Variants in ETHE1 observed in about 807,000 individuals in gnomAD.
ETHE1 encodes persulfide dioxygenase ETHE1, mitochondrial.
In ETHE1, 16 loss-of-function variants were observed where a neutral mutation model predicts 25.7. That is an observed-to-expected ratio of 0.62 (90% CI 0.42 to 0.95). ETHE1 has a LOEUF of 0.95. ETHE1 is among the 40% of genes least tolerant of loss of function. The pLI is 0.00. For missense variants in ETHE1, 300 were observed against 333.6 expected (o/e 0.90, Z 0.79); for synonymous variants, 139 against 135.9 (o/e 1.02, Z -0.16).
At chr19:43,519,092 C>G (rs2146001419) in intron 3 of ETHE1, among the ~76,000 whole-genome samples, 1 of 145,108 alleles carries the variant, frequency 6.9e-6, no homozygotes, top group African/African-American at 2.6e-5. Context: ...TCACTGCAAC[C>G]TCTACCTCCT....
chr19:43,526,984 G>A, intron 1 of ETHE1, 113 bp downstream of exon 1: 1 of 1,532,024 alleles, frequency 6.5e-7, no homozygotes. Flanking sequence ...CCCGCTTTCC[G>A]CAAGATGCAG....
At chr19:43,512,186 C>G (rs1003747837) in intron 3 of ETHE1, among the ~76,000 whole-genome samples, 4 of 152,130 alleles carry the variant, frequency 2.6e-5, no homozygotes, top group African/African-American at 9.7e-5. Flanking sequence ...AAGACTAATA[C>G]AGTAAATTGG....
At chr19:43,508,712 C>T in intron 5 of ETHE1, 63 bp downstream of exon 5, 3 of 1,313,402 alleles carry the variant, frequency 2.3e-6, no homozygotes, top group Non-Finnish European at 3.2e-6. Flanking sequence ...ACAAGGATTA[C>T]AGAGATTTAC....
intron 3 of ETHE1, among the ~76,000 whole-genome samples, chr19:43,517,775 CAAA>C (rs71336873): frequency 1.8e-5 from 2 of 110,032 alleles, no homozygotes; most frequent in Non-Finnish European, 1.9e-5. Flanking sequence ...GACTCCGCCT[CAAA>C]AAAAAAAAAA....
chr19:43,525,718 C>T, intron 3 of ETHE1: 1 of 219,390 alleles, frequency 4.6e-6, no homozygotes, highest in Non-Finnish European at 9.3e-6. Flanking sequence ...CCTGCACTTA[C>T]AGGACCCTGA....
intron 3 of ETHE1, among the ~76,000 whole-genome samples, chr19:43,521,169 T>C (rs1243630972): frequency 6.6e-6 from 1 of 151,740 alleles, no homozygotes; most frequent in Non-Finnish European, 1.5e-5. Context: ...CCATCTCTAA[T>C]AAAAACATAA....
chr19:43,506,851 C>A lies in ETHE1; in HGVS notation c.764G>T (p.Ter255LeuextTer22). 6.2e-7 allele frequency: 1 copy of A among 1,613,504 alleles called. No individual in the cohort carries two copies. The highest frequency in any genetic ancestry group is 1.1e-5 in the South Asian group (1 of 91,032). ...TGGGAGCATCTGACAGAAGTGAGAT[C>A]AGGCAGTGGGTGTCTGCACCCCACA... ...MRCGVQTPTA[*>L] Residue 255 changes from the stop codon to leucine, a stop_lost, in exon 7 of 7, where the codon TGA (stop) becomes TTA (leucine). Transcript: ENST00000292147.
rs1971777206 is a variant in ETHE1 at position 43,506,782 on chromosome 19, T to G, written c.*68A>C. 1 of 1,416,184 alleles carries G rather than the reference T, an allele frequency of 7.1e-7. No individual in the cohort carries two copies. The highest frequency in any genetic ancestry group is 1.7e-5 in the Admixed American group (1 of 59,648). 87.7% of individuals were successfully genotyped at this position (1,416,184 alleles called of 1,614,324 possible). ...ATGCGGTGGGAAAGGAGAGGTGCAG[T>G]GTCATTGCCGCCCTCTCCTCCCACC... On this transcript the variant is annotated 3_prime_UTR_variant, in exon 7 of 7. Transcript: ENST00000292147.
Position 43,524,818 on chromosome 19 carries a change from AAAC to A in ETHE1, c.375+1380_375+1382del, listed in dbSNP as rs566796438. Among the ~76,000 whole-genome samples, 710 of 152,006 alleles carry A rather than the reference AAAC, an allele frequency of 4.7e-3. 4 individuals are homozygous for A. The highest frequency in any genetic ancestry group is 0.016 in the African/African-American group (683 of 41,444). ...GACCTTTTCTCAAAAACAAACAAAC[AAAC>A]AACAACAACAAAAAAGGGTGGGTGC... On this transcript the variant is annotated intron_variant, in intron 3 of 6. Coordinates refer to ENST00000292147, the MANE Select transcript of ETHE1 (RefSeq NM_014297.5).
chr19:43,523,248 T>C (rs1972172130), intron 3 of ETHE1, among the ~76,000 whole-genome samples: 1 of 152,136 alleles, frequency 6.6e-6, no homozygotes, highest in South Asian at 2.1e-4. Flanking sequence ...TTTCATTCCA[T>C]GAATGTTAAC....
intron 3 of ETHE1, among the ~76,000 whole-genome samples, chr19:43,516,607 T>C (rs1972023166): frequency 6.9e-6 from 1 of 145,726 alleles, no homozygotes; most frequent in Admixed American, 7.3e-5. Flanking sequence ...CCTGGCTTTT[T>C]TTTCTTTCTT....
chr19:43,515,993 G>A (rs1186153576), intron 3 of ETHE1, among the ~76,000 whole-genome samples: 2 of 152,146 alleles, frequency 1.3e-5, no homozygotes, highest in Non-Finnish European at 2.9e-5. Flanking sequence ...TGTCCTGAGT[G>A]GGATGGTGTG....
intron 3 of ETHE1, among the ~76,000 whole-genome samples, chr19:43,523,566 C>A (rs1477741921): frequency 3.3e-5 from 5 of 151,966 alleles, no homozygotes; most frequent in Non-Finnish European, 7.4e-5. Flanking sequence ...CATGAGCCAC[C>A]ACACCCAGGC....
intron 6 of ETHE1, among the ~76,000 whole-genome samples, chr19:43,507,196 C>T (rs1971792169): frequency 1.1e-5 from 1 of 94,422 alleles, no homozygotes; most frequent in Non-Finnish European, 2.1e-5. Flanking sequence ...ACCCAGGAGT[C>T]CAGTCCCCCA....
Position 43,526,330 on chromosome 19 carries a change from C to G in ETHE1, c.246G>C (p.Ala82=). 6.2e-7 allele frequency: 1 copy of G among 1,614,096 alleles called. No individual in the cohort carries two copies. The highest frequency in any genetic ancestry group is 8.5e-7 in the Non-Finnish European group (1 of 1,180,016). The part of the protein sequence containing the change: ...LLYAVNTHCH[A]DHITGSGLLR... ...GCAGCCCCGAGCCTGTAATGTGGTCCGCGTGGCAGTGGGTATTCACTGGGA... is the reference window on the plus strand; with the variant it reads ...GCAGCCCCGAGCCTGTAATGTGGTCGGCGTGGCAGTGGGTATTCACTGGGA... The change falls in exon 3 of 7, where the codon GCG becomes GCC. Residue 82 remains alanine (A), a synonymous_variant. Coordinates refer to ENST00000292147, the MANE Select transcript of ETHE1 (RefSeq NM_014297.5).
chr19:43,524,254 G>A (rs183085320), intron 3 of ETHE1, among the ~76,000 whole-genome samples: 17 of 151,906 alleles, frequency 1.1e-4, no homozygotes, highest in East Asian at 5.8e-4. Flanking sequence ...GCTTGGTGGC[G>A]CACGCCTGTA....
intron 3 of ETHE1, among the ~76,000 whole-genome samples, chr19:43,517,152 T>C (rs1972037050): frequency 7.1e-6 from 1 of 140,236 alleles, no homozygotes; most frequent in South Asian, 2.3e-4. Flanking sequence ...ATAGAAATCA[T>C]ATTCCATGCA....
chr19:43,523,424 C>T (rs966030770), intron 3 of ETHE1, among the ~76,000 whole-genome samples: 8 of 151,952 alleles, frequency 5.3e-5, no homozygotes, highest in East Asian at 1.9e-4. Flanking sequence ...TTACAGGTGC[C>T]TCACCACCAT....
rs751816050 is a variant in ETHE1 at position 43,506,878 on chromosome 19, C to A, written c.737G>T (p.Arg246Leu). The A allele has an allele frequency of 6.2e-7, 1 of 1,613,776 alleles. No individual in the cohort carries two copies. The highest frequency in any genetic ancestry group is 8.5e-7 in the Non-Finnish European group (1 of 1,179,930). Residue 246 changes from arginine to leucine, a missense_variant, in exon 7 of 7, where the codon CGC becomes CTC. Coordinates refer to ENST00000292147, the MANE Select transcript of ETHE1 (RefSeq NM_014297.5). ...QIDFAVPANMRCGVQTPTA is the reference protein window; with the variant it reads ...QIDFAVPANMLCGVQTPTA ...GGCAGTGGGTGTCTGCACCCCACAG[C>A]GCATGTTGGCTGGAACAGCAAAGTC...
Sources: allele counts gnomAD v4.1 joint callset (sites outside exome capture counted in the v4.1 genomes callset), GRCh38; gene constraint gnomAD v4.1.1; transcripts MANE v1.5; gene names NCBI Gene and HGNC (gene_info 2026-07-23, HGNC 2026-07-21).